The following PDE4D variants were observed in gnomAD, a reference collection of about 807,000 sequenced individuals.
PDE4D encodes the protein phosphodiesterase 4D, also known as 3',5'-cyclic-AMP phosphodiesterase 4D.
Under a neutral mutation model 87.4 loss-of-function variants are expected in PDE4D, and 24 were observed. That is an observed-to-expected ratio of 0.27 (90% CI 0.20 to 0.39). PDE4D has a LOEUF of 0.39. Ranked by LOEUF, PDE4D falls within the 10% of genes least tolerant of loss-of-function variation. The probability of loss-of-function intolerance (pLI) is 1.00; values close to 1 mark genes in which losing one functional copy is unlikely to be tolerated. For missense variants in PDE4D, 714 were observed against 1,041.0 expected (o/e 0.69, Z 4.32); for synonymous variants, 384 against 383.2 (o/e 1.00, Z -0.02).
intron 1 of PDE4D, among the ~76,000 whole-genome samples, chr5:60,205,583 A>C (rs941157312): frequency 4.6e-5 from 7 of 151,928 alleles, no homozygotes; most frequent in African/African-American, 1.7e-4. Flanking sequence ...CACTCCAAAA[A>C]CTTTCCTGAA....
chr5:59,748,009 A>G (rs951373432), intron 1 of PDE4D, among the ~76,000 whole-genome samples: 1 of 152,128 alleles, frequency 6.6e-6, no homozygotes, highest in African/African-American at 2.4e-5. Flanking sequence ...CTGACTTTAC[A>G]ACAAAACTCC....
intron 5 of PDE4D, among the ~76,000 whole-genome samples, chr5:59,138,533 C>T (rs1777457883): frequency 1.3e-5 from 2 of 152,174 alleles, no homozygotes; most frequent in African/African-American, 4.8e-5. Context: ...GATCCACCCG[C>T]CTCCCAAGAT....
chr5:59,144,744 A>G (rs1365878868), intron 5 of PDE4D, among the ~76,000 whole-genome samples: 1 of 152,208 alleles, frequency 6.6e-6, no homozygotes, highest in Non-Finnish European at 1.5e-5. Context: ...GTACGGATTT[A>G]ATATACATTG....
At chr5:60,272,368 T>G (rs762709747) in intron 1 of PDE4D, among the ~76,000 whole-genome samples, 2 of 152,266 alleles carry the variant, frequency 1.3e-5, no homozygotes, top group Non-Finnish European at 2.9e-5. Context: ...TAAACTTCAG[T>G]TGATGTTACA....
chr5:59,307,806 T>G (rs1014021639), intron 1 of PDE4D, among the ~76,000 whole-genome samples: 1 of 152,112 alleles, frequency 6.6e-6, no homozygotes, highest in African/African-American at 2.4e-5. Context: ...AGTGTGGCGA[T>G]TCCTCAGGGA....
intron 1 of PDE4D, among the ~76,000 whole-genome samples, chr5:59,831,138 G>T (rs1741135561): frequency 6.6e-6 from 1 of 151,898 alleles, no homozygotes; most frequent in Non-Finnish European, 1.5e-5. Context: ...TTAAGAGATT[G>T]GTTTAGAAGA....
chr5:60,469,099 C>T (rs779452671), intron 1 of PDE4D, among the ~76,000 whole-genome samples: 101 of 152,266 alleles, frequency 6.6e-4, no homozygotes, highest in Middle Eastern at 3.4e-3. Context: ...CGTCTTTCTT[C>T]CCATTCTTCC....
At chr5:59,815,762 C>A (rs1402002794) in intron 1 of PDE4D, among the ~76,000 whole-genome samples, 2 of 152,274 alleles carry the variant, frequency 1.3e-5, no homozygotes, top group Middle Eastern at 3.4e-3. Context: ...GAAAAGTGGT[C>A]TGAGGAACAC....
intron 1 of PDE4D, among the ~76,000 whole-genome samples, chr5:60,310,920 C>A (rs1754971531): frequency 6.6e-6 from 1 of 152,280 alleles, no homozygotes; most frequent in Admixed American, 6.5e-5. Context: ...GTGTTCCCAC[C>A]AGCATACCTC....
intron 1 of PDE4D, among the ~76,000 whole-genome samples, chr5:59,763,195 G>A (rs1299974947): frequency 6.6e-6 from 1 of 151,752 alleles, no homozygotes; most frequent in East Asian, 1.9e-4. Flanking sequence ...GAGCGGGTAG[G>A]GATAGCTTTA....
At chr5:60,150,402 G>T (rs959246858) in intron 2 of PDE4D, among the ~76,000 whole-genome samples, 6 of 151,916 alleles carry the variant, frequency 3.9e-5, no homozygotes, top group Admixed American at 3.3e-4. Context: ...AATTAATGTG[G>T]AAAATATCTT....
intron 1 of PDE4D, among the ~76,000 whole-genome samples, chr5:59,637,686 G>A (rs1321951498): frequency 6.6e-6 from 1 of 152,102 alleles, no homozygotes; most frequent in Non-Finnish European, 1.5e-5. Context: ...TCACTCATAA[G>A]TGGGAGTTGA....
In PDE4D at chr5:60,346,229, C is replaced by G. The variant is rs748946453; in HGVS notation, c.-90+141713G>C. 1.4e-4 allele frequency among the ~76,000 whole-genome samples: 22 copies of G among 152,008 alleles called. 1 individual carries two copies. The highest frequency in any genetic ancestry group is 2.9e-4 in the Non-Finnish European group (20 of 67,988). On this transcript the variant is annotated intron_variant, in intron 1 of 16. Coordinates refer to the PDE4D transcript ENST00000502484. ...TTTCGTTTATCTTATTCCTACTGAC[C>G]TTCTTAAGAGAAATTCAACTGGAAA...
At chr5:59,811,632 A>G (rs1200280774) in intron 1 of PDE4D, among the ~76,000 whole-genome samples, 1 of 152,128 alleles carries the variant, frequency 6.6e-6, no homozygotes, top group Non-Finnish European at 1.5e-5. Flanking sequence ...TTCGAGAATG[A>G]TCCTCCTCTT....
chr5:60,320,137 G>A (rs1189840742), intron 1 of PDE4D, among the ~76,000 whole-genome samples: 2 of 152,190 alleles, frequency 1.3e-5, no homozygotes, highest in Admixed American at 6.5e-5. Context: ...CACCCAGTTC[G>A]AGCTTCCCAG....
intron 1 of PDE4D, among the ~76,000 whole-genome samples, chr5:59,840,216 A>G (rs1377286106): frequency 2.9e-4 from 43 of 149,650 alleles, no homozygotes; most frequent in Admixed American, 2.9e-3. Flanking sequence ...CTTGTCTTCT[A>G]GTTTCACACG....
chr5:59,194,074 C>G (rs1349390705), intron 2 of PDE4D, among the ~76,000 whole-genome samples: 1 of 152,186 alleles, frequency 6.6e-6, no homozygotes, highest in African/African-American at 2.4e-5. Flanking sequence ...CTCATCCCAG[C>G]CACTGTAGTC....
In PDE4D at chr5:60,115,117, A is replaced by G. The variant is rs534374692; in HGVS notation, c.42+70440T>C. On this transcript the variant is annotated intron_variant, in intron 2 of 16. Coordinates refer to the PDE4D transcript ENST00000502484. ...ATCTACACAGTCCAGAGATATTTTGAAAAAACTTCCCCAGTGTACTGACAG... is the reference window on the plus strand; with the variant it reads ...ATCTACACAGTCCAGAGATATTTTGGAAAAACTTCCCCAGTGTACTGACAG... 7.2e-5 allele frequency among the ~76,000 whole-genome samples: 11 copies of G among 152,208 alleles called. No homozygotes were observed. The East Asian group carries it at 2.1e-3, about 29-fold the overall frequency.
At chr5:60,313,311 A>G (rs893916961) in intron 1 of PDE4D, among the ~76,000 whole-genome samples, 13 of 152,196 alleles carry the variant, frequency 8.5e-5, no homozygotes, top group African/African-American at 3.1e-4. Flanking sequence ...ACCTTTATGC[A>G]TACAAACTAG....
Sources: gnomAD v4.1 joint callset for allele counts (sites outside exome capture counted in the v4.1 genomes callset) on GRCh38, gnomAD v4.1.1 for gene constraint, MANE v1.5 for transcripts, NCBI Gene and HGNC (gene_info 2026-07-23, HGNC 2026-07-21) for gene names.